CCDC146: variants seen among roughly 807,000 people sequenced by gnomAD.
CCDC146 encodes the protein coiled-coil domain containing 146, also known as coiled-coil domain-containing protein 146.
CCDC146 carries 92 observed loss-of-function variants against 119.3 expected under a neutral mutation model. That is an observed-to-expected ratio of 0.77 (90% CI 0.65 to 0.92). The LOEUF (loss-of-function observed/expected upper bound fraction) is 0.92, where lower values mean the gene tolerates loss of function less well. Among genes scored for constraint, CCDC146 ranks in the 40% least tolerant of loss-of-function variants. The probability of loss-of-function intolerance (pLI) is 0.00; values close to 1 mark genes in which losing one functional copy is unlikely to be tolerated. For synonymous variants in CCDC146, 372 were observed against 371.8 expected (o/e 1.00, Z -0.01); for missense variants, 1,000 against 1,103.0 (o/e 0.91, Z 1.32).
Position 77,278,846 on chromosome 7 carries a change from G to A in CCDC146, c.1529+6G>A. 8.7e-6 allele frequency: 14 copies of A among 1,607,298 alleles called. No homozygotes were observed. The highest frequency in any genetic ancestry group is 1.2e-5 in the Non-Finnish European group (14 of 1,174,482). On this transcript the variant is annotated splice_donor_region_variant and intron_variant, in intron 12 of 18. Coordinates refer to ENST00000285871, the MANE Select transcript of CCDC146 (RefSeq NM_020879.3). ...AAATGTGAAATTTATCGGAGGTAAA[G>A]TAATTATGTGGTGTTTTATCTACGT...
At chr7:77,204,012 C>A (rs1205649393) in intron 2 of CCDC146, among the ~76,000 whole-genome samples, 2 of 150,338 alleles carry the variant, frequency 1.3e-5, no homozygotes, top group Non-Finnish European at 3.0e-5. Context: ...TTTTTGTTTC[C>A]CCTAATACAG....
chr7:77,172,612 C>T (rs1482268049), intron 2 of CCDC146, among the ~76,000 whole-genome samples: 1 of 152,148 alleles, frequency 6.6e-6, no homozygotes, highest in African/African-American at 2.4e-5. Flanking sequence ...GCAATTTATA[C>T]CCAAACTACT....
chr7:77,242,442 T>C (rs1792867887), intron 4 of CCDC146: 2 of 958,586 alleles, frequency 2.1e-6, no homozygotes, highest in Non-Finnish European at 2.5e-6. Context: ...TATATCCTTT[T>C]GGAAGACACA....
intron 15 of CCDC146, among the ~76,000 whole-genome samples, chr7:77,285,753 A>T (rs1250609960): frequency 6.6e-6 from 1 of 152,258 alleles, no homozygotes; most frequent in Non-Finnish European, 1.5e-5. Flanking sequence ...ATTTAGGAGT[A>T]GCCATGTTTC....
At chr7:77,248,700 A>G (rs1793000580) in intron 4 of CCDC146, among the ~76,000 whole-genome samples, 2 of 152,240 alleles carry the variant, frequency 1.3e-5, no homozygotes, top group Admixed American at 1.3e-4. Context: ...CTGGTCAATA[A>G]AACAGTTCAA....
intron 12 of CCDC146, 36 bp downstream of exon 12, chr7:77,278,876 G>C: frequency 6.3e-7 from 1 of 1,595,494 alleles, no homozygotes; most frequent in Non-Finnish European, 8.6e-7. Flanking sequence ...CTACGTAGGT[G>C]AGGGGAAAAA....
chr7:77,256,238 T>C (rs182521269), intron 5 of CCDC146, 95 bp from the exon 6 acceptor site: 89 of 845,920 alleles, frequency 1.1e-4, no homozygotes, highest in Non-Finnish European at 1.5e-4. Flanking sequence ...ACAAATATAA[T>C]CAAAATGGTG....
rs201777914 is a variant in CCDC146 at position 77,196,825 on chromosome 7, G to A, written c.156+29001G>A. 5.6e-6 allele frequency: 9 copies of A among 1,613,948 alleles called. No homozygotes were observed. In the East Asian group the frequency reaches 6.7e-5, roughly 12 times the overall value. The stretch of plus-strand genomic sequence containing the variant: ...TTCTGGTGAAGTTGGTGCTCCCATC[G>A]AGACGTGCCTGCAGCACTGTCCAGC... On this transcript the variant is annotated intron_variant, in intron 2 of 18. Coordinates refer to ENST00000285871, the MANE Select transcript of CCDC146 (RefSeq NM_020879.3). This position sits in a 1 kb window ranked among gnomAD's most constrained non-coding sequence, Gnocchi z 4.2.
rs777003440 is a variant in CCDC146 at position 77,196,591 on chromosome 7, A to G, written c.156+28767A>G. ...AACGTAATGCATCTCCAGCTGTGCC[A>G]TTATAGTTACCAACGTGTAAACGAT... On this transcript the variant is annotated intron_variant, in intron 2 of 18. Coordinates refer to ENST00000285871, the MANE Select transcript of CCDC146 (RefSeq NM_020879.3). The surrounding 1 kb of genome is among the most constrained non-coding windows in gnomAD (Gnocchi z 4.2). 3 of 1,614,172 alleles carry G rather than the reference A, an allele frequency of 1.9e-6. No homozygotes were observed. Among genetic ancestry groups the G allele is most frequent in the East Asian group, 2.2e-5 (1 of 44,888 alleles).
intron 2 of CCDC146, chr7:77,199,608 G>A: frequency 1.9e-6 from 3 of 1,614,106 alleles, no homozygotes; most frequent in East Asian, 2.2e-5. Flanking sequence ...TAGTCAAGGG[G>A]GGCAGGCTTA....
intron 4 of CCDC146, among the ~76,000 whole-genome samples, chr7:77,252,345 C>T (rs183075129): frequency 6.6e-6 from 1 of 152,238 alleles, no homozygotes; most frequent in East Asian, 1.9e-4. Context: ...GAGCCCCAAA[C>T]AGGGTAAACT....
At chr7:77,287,623 T>C (rs1793872833) in intron 17 of CCDC146, 46 bp downstream of exon 17, 2 of 1,584,400 alleles carry the variant, frequency 1.3e-6, no homozygotes, top group Non-Finnish European at 1.7e-6. Flanking sequence ...TGCTCCTTTA[T>C]TACCTTTTAT....
At chr7:77,283,421 A>G (rs1793796361) in intron 15 of CCDC146, among the ~76,000 whole-genome samples, 1 of 152,208 alleles carries the variant, frequency 6.6e-6, no homozygotes, top group South Asian at 2.1e-4. Flanking sequence ...GAATTTTTTT[A>G]AAAATTAAAA....
chr7:77,233,085 CTTTT>C (rs1335768322), intron 2 of CCDC146, among the ~76,000 whole-genome samples: 3 of 120,052 alleles, frequency 2.5e-5, no homozygotes, highest in Non-Finnish European at 5.0e-5. Flanking sequence ...TCTTTTGTTT[CTTTT>C]GTTTGTTTTT....
chr7:77,144,458 AG>A (rs1790984238), intron 1 of CCDC146, among the ~76,000 whole-genome samples: 1 of 151,754 alleles, frequency 6.6e-6, no homozygotes, highest in African/African-American at 2.4e-5. Flanking sequence ...ACTATGTTGA[AG>A]AGGAGTGGTG....
At chr7:77,278,875 T>C (rs1793708025) in intron 12 of CCDC146, 35 bp downstream of exon 12, 2 of 1,595,892 alleles carry the variant, frequency 1.3e-6, no homozygotes, top group African/African-American at 2.7e-5. Context: ...TCTACGTAGG[T>C]GAGGGGAAAA....
chr7:77,185,999 C>T (rs1317686486), intron 2 of CCDC146, among the ~76,000 whole-genome samples: 1 of 152,112 alleles, frequency 6.6e-6, no homozygotes, highest in Non-Finnish European at 1.5e-5. Flanking sequence ...ATAACAAATG[C>T]TGTGAGGATA....
chr7:77,267,352 G>T (rs1451550839), intron 9 of CCDC146, among the ~76,000 whole-genome samples: 2 of 152,110 alleles, frequency 1.3e-5, no homozygotes, highest in Non-Finnish European at 2.9e-5. Context: ...CTCTGTAGTT[G>T]ATTGGTGATG....
chr7:77,158,882 A>G (rs4366015), intron 1 of CCDC146, among the ~76,000 whole-genome samples: 19,145 of 152,120 alleles, frequency 0.13, 1,806 homozygotes, highest in Non-Finnish European at 0.18. Context: ...ATTTAATTAG[A>G]TTAATTAGTG....
Sources: gnomAD v4.1 joint callset for allele counts (sites outside exome capture counted in the v4.1 genomes callset) on GRCh38, gnomAD v4.1.1 for gene constraint, Gnocchi (gnomAD v3.1) non-coding constraint, MANE v1.5 for transcripts, NCBI Gene and HGNC (gene_info 2026-07-23, HGNC 2026-07-21) for gene names.